Variants in PDE10A observed in about 807,000 individuals in gnomAD.
PDE10A encodes phosphodiesterase 10A.
In PDE10A, 39 loss-of-function variants were observed where a neutral mutation model predicts 97.7. That is an observed-to-expected ratio of 0.40 (90% CI 0.31 to 0.52). The LOEUF (loss-of-function observed/expected upper bound fraction) is 0.52. Ranked by LOEUF, PDE10A falls within the 20% of genes least tolerant of loss-of-function variation. The probability of loss-of-function intolerance (pLI) is 0.56; values close to 1 mark genes in which losing one functional copy is unlikely to be tolerated. For synonymous variants in PDE10A, 371 were observed against 376.8 expected (o/e 0.98, Z 0.18); for missense variants, 731 against 1,047.8 (o/e 0.70, Z 4.17).
chr6:165,956,269 T>C (rs1483873203), intron 1 of PDE10A, among the ~76,000 whole-genome samples: 1 of 152,200 alleles, frequency 6.6e-6, no homozygotes, highest in African/African-American at 2.4e-5. Flanking sequence ...CCAAATACTA[T>C]TATTTATTTC....
In PDE10A at chr6:165,662,971, G is replaced by A. The variant is rs1307320380; in HGVS notation, c.-160C>T. ...GGTCTTCGGCTTCCCTCCCAGTCTA[G>A]TCTTCACATTGTGCTCGGCTTGGGT... On this transcript the variant is annotated 5_prime_UTR_variant, in exon 1 of 22. Transcript: ENST00000539869. Among the ~76,000 whole-genome samples the A allele has an allele frequency of 1.3e-5, 2 of 151,346 alleles. No individual in the cohort carries two copies. Among genetic ancestry groups the A allele is most frequent in the African/African-American group, 4.8e-5 (2 of 41,318 alleles).
chr6:165,528,703 C>G (rs1260221233), intron 2 of PDE10A, among the ~76,000 whole-genome samples: 3 of 152,212 alleles, frequency 2.0e-5, no homozygotes, highest in Non-Finnish European at 4.4e-5. Context: ...CCCAGGCACT[C>G]ACTTTATGGC....
intron 1 of PDE10A, among the ~76,000 whole-genome samples, chr6:165,837,225 C>T (rs1780088643): frequency 6.6e-6 from 1 of 151,906 alleles, no homozygotes; most frequent in Non-Finnish European, 1.5e-5. Flanking sequence ...ATACAAACTC[C>T]AAATCAGGAA....
At chr6:165,856,354 G>C (rs1025349300) in intron 1 of PDE10A, among the ~76,000 whole-genome samples, 1 of 152,184 alleles carries the variant, frequency 6.6e-6, no homozygotes, top group Non-Finnish European at 1.5e-5. Flanking sequence ...CAGCCCTTCT[G>C]GTAGAAGGTC....
intron 1 of PDE10A, among the ~76,000 whole-genome samples, chr6:165,829,449 G>T (rs1779849281): frequency 6.6e-6 from 1 of 152,234 alleles, no homozygotes. Flanking sequence ...ACCTTAATTG[G>T]TTCCAGCAGC....
chr6:165,901,444 C>T (rs746283805), intron 1 of PDE10A, among the ~76,000 whole-genome samples: 21 of 152,288 alleles, frequency 1.4e-4, no homozygotes, highest in Admixed American at 1.2e-3. Context: ...ATCAGGGCTC[C>T]GGGTCTCACG....
chr6:165,704,883 A>G (rs1333950924), intron 1 of PDE10A, among the ~76,000 whole-genome samples: 5 of 152,234 alleles, frequency 3.3e-5, no homozygotes, highest in Admixed American at 3.3e-4. Context: ...TCGACAGTCC[A>G]TGATGGACCA....
chr6:165,857,415 G>A (rs1780768313), intron 1 of PDE10A, among the ~76,000 whole-genome samples: 1 of 152,200 alleles, frequency 6.6e-6, no homozygotes, highest in African/African-American at 2.4e-5. Context: ...TCAGAGAGAG[G>A]AGAATACCTC....
intron 1 of PDE10A, among the ~76,000 whole-genome samples, chr6:165,584,335 G>A (rs1007317731): frequency 2.6e-5 from 4 of 152,090 alleles, no homozygotes; most frequent in African/African-American, 9.7e-5. Flanking sequence ...CCATTCAGCC[G>A]CCTTCTTACT....
chr6:165,411,798 G>C (rs1200081064), intron 13 of PDE10A, among the ~76,000 whole-genome samples: 4 of 152,196 alleles, frequency 2.6e-5, no homozygotes, highest in African/African-American at 9.6e-5. Flanking sequence ...GAGAGAGACA[G>C]AGAAAGTATA....
At chr6:165,512,843 C>T (rs757037153) in intron 2 of PDE10A, among the ~76,000 whole-genome samples, 7 of 151,968 alleles carry the variant, frequency 4.6e-5, no homozygotes, top group Non-Finnish European at 8.8e-5. Flanking sequence ...TCACCAACAT[C>T]AGTTATTGTC....
intron 1 of PDE10A, among the ~76,000 whole-genome samples, chr6:165,723,471 G>A (rs1259517687): frequency 3.3e-5 from 5 of 152,140 alleles, no homozygotes; most frequent in Non-Finnish European, 5.9e-5. Context: ...CATGAAACCC[G>A]GTGTGTGACA....
chr6:165,886,736 G>C (rs1273029064), intron 1 of PDE10A, among the ~76,000 whole-genome samples: 1 of 152,142 alleles, frequency 6.6e-6, no homozygotes. Context: ...TTAAAGTCTT[G>C]TCAGACTGGT....
At chr6:165,865,264 C>G (rs1294175992) in intron 1 of PDE10A, among the ~76,000 whole-genome samples, 1 of 152,170 alleles carries the variant, frequency 6.6e-6, no homozygotes, top group Admixed American at 6.5e-5. Flanking sequence ...AGCATTCTAC[C>G]CAACCCACAC....
chr6:165,558,453 G>A (rs1002633581), intron 1 of PDE10A, among the ~76,000 whole-genome samples: 12 of 151,928 alleles, frequency 7.9e-5, no homozygotes, highest in Admixed American at 2.6e-4. Context: ...GGGGCCTGTC[G>A]TGGGGTTGGG....
At chr6:165,384,798 C>T (rs1785183021) in intron 17 of PDE10A, among the ~76,000 whole-genome samples, 1 of 152,120 alleles carries the variant, frequency 6.6e-6, no homozygotes, top group South Asian at 2.1e-4. Flanking sequence ...CCACTGGCAG[C>T]CATAGTGAAA....
At chr6:165,834,161 C>T (rs1035328141) in intron 1 of PDE10A, among the ~76,000 whole-genome samples, 2 of 152,198 alleles carry the variant, frequency 1.3e-5, no homozygotes, top group African/African-American at 4.8e-5. Context: ...TCCCCAGTTA[C>T]CCAGGCAGAA....
intron 1 of PDE10A, among the ~76,000 whole-genome samples, chr6:165,690,488 T>C (rs1791241843): frequency 6.6e-6 from 1 of 152,230 alleles, no homozygotes; most frequent in Non-Finnish European, 1.5e-5. Context: ...TAAAGCAGAC[T>C]GGCCTCTGGA....
intron 1 of PDE10A, among the ~76,000 whole-genome samples, chr6:165,794,209 C>T (rs1443733472): frequency 2.6e-5 from 4 of 151,412 alleles, no homozygotes; most frequent in South Asian, 2.1e-4. Context: ...CTCACACACA[C>T]TCATCACACA....
Sources: allele counts gnomAD v4.1 joint callset (sites outside exome capture counted in the v4.1 genomes callset), GRCh38; gene constraint gnomAD v4.1.1; transcripts MANE v1.5; gene names NCBI Gene and HGNC (gene_info 2026-07-23, HGNC 2026-07-21).